URB1: variants seen among roughly 807,000 people sequenced by gnomAD.
The protein encoded by URB1 is URB1 ribosome biogenesis factor.
A neutral mutation model predicts 242.3 loss-of-function variants in URB1; 197 were observed. The observed-to-expected ratio is 0.81, with a 90% CI of 0.72 to 0.91. URB1 has a LOEUF of 0.91. Ranked by LOEUF, URB1 falls within the 40% of genes least tolerant of loss-of-function variation. URB1 has a pLI of 0.00. For missense variants in URB1, 2,721 were observed against 2,860.5 expected, an observed-to-expected ratio of 0.95 and a Z score of 1.11; for synonymous variants, 1,153 against 1,201.8, an observed-to-expected ratio of 0.96 and a Z score of 0.84.
Position 32,357,314 on chromosome 21 carries a change from T to TAA in URB1, c.1989+221_1989+222dup, listed in dbSNP as rs76266853. ...TACAACAAGCTAGAAATGACCTACC[T>TAA]AAAAAAAAAAAAAAAAAACATTTTT... is the stretch of plus-strand genomic sequence containing the variant. On this transcript the variant is annotated intron_variant, in intron 15 of 38. Transcript: ENST00000382751. Among the ~76,000 whole-genome samples, 190 of 79,238 alleles carry TAA rather than the reference T, an allele frequency of 2.4e-3. 2 individuals are homozygous for TAA. The highest frequency in any genetic ancestry group is 3.6e-3 in the Admixed American group (26 of 7,136). The allele number at this position is 79,238 out of a possible 152,430, so 52.0% of individuals were successfully genotyped here. A position where few individuals can be genotyped will look rare whatever the true frequency, so the allele number is the denominator to read the frequency against.
chr21:32,353,981 C>T lies in URB1; in HGVS notation c.2368G>A (p.Ala790Thr). The T allele has an allele frequency of 6.4e-7, 1 of 1,551,786 alleles. No individual in the cohort carries two copies. The highest frequency in any genetic ancestry group is 8.7e-7 in the Non-Finnish European group (1 of 1,147,016). ...AGCAACTTATTCCTGGCTTCCAGGG[C>T]CGCAGGGACTACCGCACTGAATGGG... ...TFPFSAVVPA[A>T]LEARNKLLLG... is the part of the protein sequence containing the mutation. Residue 790 changes from alanine (A) to threonine (T), a missense_variant, in exon 18 of 39, where the codon GCC becomes ACC. Physicochemically the swap from Ala to Thr is moderately conservative, Grantham distance 58. Coordinates refer to ENST00000382751, the MANE Select transcript of URB1 (RefSeq NM_014825.3).
Position 32,346,973 on chromosome 21 carries a change from A to C in URB1, c.3851T>G (p.Phe1284Cys). 6.6e-7 allele frequency: 1 copy of C among 1,515,956 alleles called. No homozygotes were observed. The highest frequency in any genetic ancestry group is 8.9e-7 in the Non-Finnish European group (1 of 1,122,642). 93.9% of individuals were successfully genotyped at this position (1,515,956 alleles called of 1,614,324 possible). A position where few individuals can be genotyped will look rare whatever the true frequency, so the allele number is the denominator to read the frequency against. ...TCCCTTACCTCCTGCTGGGCGTGTG[A>C]AGTGGCTCCGTGTCCTGCACTGGAG... The part of the protein sequence containing the change: ...VYLQCRTRSH[F>C]TRPAGVSSAV... The change falls in exon 22 of 39, where the codon TTC becomes TGC. Residue 1284 changes from phenylalanine to cysteine, a missense_variant. Physicochemically the swap from Phe to Cys is radical, Grantham distance 205 (BLOSUM62 -2). Transcript: ENST00000382751.
chr21:32,392,233 G>A (rs1192363032), intron 1 of URB1, among the ~76,000 whole-genome samples: 1 of 152,190 alleles, frequency 6.6e-6, no homozygotes, highest in Admixed American at 6.5e-5. Context: ...TTTACAAAAA[G>A]TGTAATTAAA....
At chr21:32,334,042 T>C in intron 29 of URB1, 121 bp downstream of exon 29, 2 of 1,259,292 alleles carry the variant, frequency 1.6e-6, no homozygotes, top group Non-Finnish European at 2.2e-6. Context: ...TACCTTTATA[T>C]ATGATAAGAT....
Position 32,378,555 on chromosome 21 carries a change from G to A in URB1, c.568-14C>T. The A allele has an allele frequency of 6.5e-7, 1 of 1,548,678 alleles. No individual in the cohort carries two copies. The highest frequency in any genetic ancestry group is 8.7e-7 in the Non-Finnish European group (1 of 1,144,348). On this transcript the variant is annotated splice_polypyrimidine_tract_variant and intron_variant, in intron 4 of 38. Coordinates refer to ENST00000382751, the MANE Select transcript of URB1 (RefSeq NM_014825.3). Reference sequence around the variant, plus strand: ...GTCGTACACTCCCTAGAGGACAAAGGAGACCTACATGTCACATGCATATTC... The same window carrying A: ...GTCGTACACTCCCTAGAGGACAAAGAAGACCTACATGTCACATGCATATTC...
Position 32,373,658 on chromosome 21 carries a change from C to T in URB1, c.865G>A (p.Glu289Lys). Reference protein sequence around the residue: ...NWNGITDVNPENVKVSAEEAG... With the variant: ...NWNGITDVNPKNVKVSAEEAG... Reference sequence around the variant, plus strand: ...AAAAGTGTCTGCACCTTGACATTTTCTGGGTTCACATCGGTAATCCCATTC... The same window carrying T: ...AAAAGTGTCTGCACCTTGACATTTTTTGGGTTCACATCGGTAATCCCATTC... The change falls in exon 7 of 39, where the codon GAA (glutamate) becomes AAA (lysine). Residue 289 changes from glutamate to lysine, a missense_variant. By Grantham distance (56) the Glu-to-Lys change is moderately conservative (BLOSUM62 1). Transcript: ENST00000382751. 6.5e-7 allele frequency: 1 copy of T among 1,537,086 alleles called. No homozygotes were observed. Among genetic ancestry groups the T allele is most frequent in the Non-Finnish European group, 8.8e-7 (1 of 1,142,742 alleles).
In URB1 at chr21:32,324,611, C is replaced by G; in HGVS notation, c.5122-9G>C. The G allele has an allele frequency of 6.5e-7, 1 of 1,546,176 alleles. No homozygotes were observed. Among genetic ancestry groups the G allele is most frequent in the Non-Finnish European group, 8.8e-7 (1 of 1,141,962 alleles). ...TCCAACAGGTAAAGTAGCTTGAAAA[C>G]AGAACAGAAAAGGAAAATGTAAGAT... On this transcript the variant is annotated splice_polypyrimidine_tract_variant and intron_variant, in intron 31 of 38. Coordinates refer to ENST00000382751, the MANE Select transcript of URB1 (RefSeq NM_014825.3).
At chr21:32,328,343 G>T (rs149284050) in intron 30 of URB1, among the ~76,000 whole-genome samples, 1 of 152,218 alleles carries the variant, frequency 6.6e-6, no homozygotes, top group East Asian at 1.9e-4. Context: ...TCACCATGTT[G>T]GCCAGGCTGG....
Position 32,322,465 on chromosome 21 carries a change from T to G in URB1, c.5340+13A>C. The G allele has an allele frequency of 6.4e-7, 1 of 1,550,758 alleles. No individual in the cohort carries two copies. Among genetic ancestry groups the G allele is most frequent in the South Asian group, 1.2e-5 (1 of 84,028 alleles). ...GGGGCCTGCAGAAAGCCGTGAGGACTCTGGAAGCATACCTCAAAGTCGGAG... is the reference window on the plus strand; with the variant it reads ...GGGGCCTGCAGAAAGCCGTGAGGACGCTGGAAGCATACCTCAAAGTCGGAG... On this transcript the variant is annotated intron_variant, in intron 33 of 38. Transcript: ENST00000382751.
chr21:32,311,661 C>T lies in URB1; in HGVS notation c.*3257G>A. On this transcript the variant is annotated 3_prime_UTR_variant, in exon 39 of 39. Transcript: ENST00000382751. ...GTTCTGCAGCAACTATGATGCCTGC[C>T]TCCCACTCTGCTCTGTTCACAGGAA... is the stretch of plus-strand genomic sequence containing the variant. The T allele has an allele frequency of 6.2e-7, 1 of 1,612,846 alleles. No individual in the cohort carries two copies. The highest frequency in any genetic ancestry group is 8.5e-7 in the Non-Finnish European group (1 of 1,179,440).
At chr21:32,322,321 G>C (rs1056769611) in intron 33 of URB1, among the ~76,000 whole-genome samples, 157 bp downstream of exon 33, 1 of 152,204 alleles carries the variant, frequency 6.6e-6, no homozygotes, top group East Asian at 1.9e-4. Flanking sequence ...CCAACAGCAC[G>C]GAGACATTCC....
chr21:32,331,781 T>C (rs1232624718), intron 30 of URB1, among the ~76,000 whole-genome samples: 1 of 152,232 alleles, frequency 6.6e-6, no homozygotes, highest in Non-Finnish European at 1.5e-5. Flanking sequence ...AGGTGGAGCC[T>C]AGACTCCCAC....
chr21:32,323,613 G>A lies in URB1; in HGVS notation c.5233+878C>T, dbSNP rs2282098. ...GCATGAATCAATGATGAATAATGGC[G>A]GTGATGGTGACGGCAGCTATCACTG... On this transcript the variant is annotated intron_variant, in intron 32 of 38. Coordinates refer to ENST00000382751, the MANE Select transcript of URB1 (RefSeq NM_014825.3). 9.7e-4 allele frequency among the ~76,000 whole-genome samples: 147 copies of A among 152,308 alleles called. No homozygotes were observed. In the East Asian group the frequency reaches 0.021, roughly 21 times the overall value.
chr21:32,321,899 T>G lies in URB1; in HGVS notation c.5386A>C (p.Ile1796Leu). The change falls in exon 34 of 39, where the codon ATC becomes CTC. Residue 1796 changes from isoleucine (I) to leucine (L), a missense_variant. By Grantham distance (5) the Ile-to-Leu change is conservative. Coordinates refer to ENST00000382751, the MANE Select transcript of URB1 (RefSeq NM_014825.3). Reference sequence around the variant, plus strand: ...AGTTCGTAGCACTGCTTGTCACGGATCCCCTGCCGCAGAACGCCAAACACC... The same window carrying G: ...AGTTCGTAGCACTGCTTGTCACGGAGCCCCTGCCGCAGAACGCCAAACACC... ...KWVFGVLRQG[I>L]RDKQCYELCA... 6.4e-7 allele frequency: 1 copy of G among 1,551,628 alleles called. No homozygotes were observed. The highest frequency in any genetic ancestry group is 8.7e-7 in the Non-Finnish European group (1 of 1,146,978).
intron 9 of URB1, among the ~76,000 whole-genome samples, chr21:32,367,642 G>A (rs1204512328): frequency 6.6e-6 from 1 of 152,200 alleles, no homozygotes; most frequent in East Asian, 1.9e-4. Context: ...TGATCAAAAG[G>A]AAGGTAACGC....
In URB1 at chr21:32,347,358, T is replaced by C. The variant is rs1319866984; in HGVS notation, c.3466A>G (p.Thr1156Ala). The C allele has an allele frequency of 6.4e-7, 1 of 1,551,270 alleles. No individual in the cohort carries two copies. Among genetic ancestry groups the C allele is most frequent in the Admixed American group, 2.0e-5 (1 of 51,008 alleles). ...CTGCAGGTCAGCAGCTGCACCAGGG[T>C]CTTTCCAAGAGCATTCAGGTGTCTT... The part of the protein sequence containing the change: ...KERHLNALGK[T>A]LVQLLTCSPQ... The change falls in exon 22 of 39, where the codon ACC (threonine) becomes GCC (alanine). Residue 1156 changes from threonine to alanine, a missense_variant. Thr to Ala is a moderately conservative substitution (Grantham distance 58). Transcript: ENST00000382751.
chr21:32,339,533 T>C (rs2033004076), intron 25 of URB1, among the ~76,000 whole-genome samples: 2 of 149,432 alleles, frequency 1.3e-5, no homozygotes, highest in Non-Finnish European at 3.0e-5. Flanking sequence ...CTCTGTCGCC[T>C]AGGCTGGAGT....
At chr21:32,320,788 C>T (rs1438745624) in intron 34 of URB1, 148 bp from the exon 35 acceptor site, 1 of 640,110 alleles carries the variant, frequency 1.6e-6, no homozygotes, top group Non-Finnish European at 2.7e-6. Flanking sequence ...AGAGCGGTGG[C>T]CATGTACGAA....
At chr21:32,374,330 C>A (rs2033436624) in intron 6 of URB1, among the ~76,000 whole-genome samples, 1 of 152,164 alleles carries the variant, frequency 6.6e-6, no homozygotes, top group South Asian at 2.1e-4. Context: ...TCAGCTCCAC[C>A]CAAACCTAAC....
Sources: allele counts gnomAD v4.1 joint callset (sites outside exome capture counted in the v4.1 genomes callset), GRCh38; gene constraint gnomAD v4.1.1; transcripts MANE v1.5; gene names NCBI Gene and HGNC (gene_info 2026-07-23, HGNC 2026-07-21).